The following COL6A3 variants were observed in gnomAD, a reference collection of about 807,000 sequenced individuals.
The protein encoded by COL6A3 is collagen type VI alpha 3 chain.
Under a neutral mutation model 274.1 loss-of-function variants are expected in COL6A3, and 137 were observed. The ratio of observed to expected loss-of-function variants is 0.50; its 90% CI spans 0.44 to 0.58. The LOEUF (loss-of-function observed/expected upper bound fraction) is 0.58, where lower values mean the gene tolerates loss of function less well. COL6A3 is among the 20% of genes least tolerant of loss of function. The probability of loss-of-function intolerance (pLI) is 0.00; values close to 1 mark genes in which losing one functional copy is unlikely to be tolerated. For missense variants in COL6A3, 3,950 were observed against 4,124.9 expected, an observed-to-expected ratio of 0.96 and a Z score of 1.16; for synonymous variants, 1,650 against 1,650.6, an observed-to-expected ratio of 1.00 and a Z score of 0.01.
chr2:237,353,270 T>C, intron 25 of COL6A3, 71 bp downstream of exon 25: 1 of 1,464,494 alleles, frequency 6.8e-7, no homozygotes, highest in Non-Finnish European at 9.5e-7. Context: ...CGGATATAAA[T>C]GCCACCCAAT....
At chr2:237,333,623 T>G (rs939547308) in intron 41 of COL6A3, 75 bp from the exon 42 acceptor site, 1 of 1,271,526 alleles carries the variant, frequency 7.9e-7, no homozygotes, top group Non-Finnish European at 1.1e-6. Context: ...GTGACTGATA[T>G]AAGGTTGCCT....
chr2:237,332,630 C>T (rs1041698767), intron 42 of COL6A3, among the ~76,000 whole-genome samples: 5 of 152,186 alleles, frequency 3.3e-5, no homozygotes, highest in African/African-American at 7.2e-5. Context: ...GAATTGTCCC[C>T]TAGTTAGCAG....
At position 237,380,621 on chromosome 2, in the gene COL6A3, C is replaced by T. The variant is rs576738894; in HGVS notation, c.1897+294G>A. Among the ~76,000 whole-genome samples, 5 of 152,264 alleles carry T rather than the reference C, an allele frequency of 3.3e-5. No homozygotes were observed. The South Asian group carries it at 6.2e-4, about 19-fold the overall frequency. On this transcript the variant is annotated intron_variant, in intron 5 of 43. Transcript: ENST00000295550. ...CAGAAGAACACAGGGATCTGACAAG[C>T]GATAAGAACTGAGATGTGACCTCCT...
chr2:237,378,590 G>C, intron 6 of COL6A3, 46 bp downstream of exon 6: 1 of 1,611,964 alleles, frequency 6.2e-7, no homozygotes, highest in Non-Finnish European at 8.5e-7. Flanking sequence ...CTCCAGGGTG[G>C]TGTCTGAGGA....
At chr2:237,355,658 C>T (rs534845345) in intron 23 of COL6A3, 1 of 152,318 alleles carries the variant, frequency 6.6e-6, no homozygotes, top group South Asian at 2.1e-4. Context: ...GTTGCAGAGG[C>T]TGTGACCGAC....
At chr2:237,403,259 G>A (rs2078637648) in intron 1 of COL6A3, among the ~76,000 whole-genome samples, 1 of 152,174 alleles carries the variant, frequency 6.6e-6, no homozygotes, top group Admixed American at 6.5e-5. Context: ...GGAACACAGT[G>A]TGGGCCCTAG....
In COL6A3 at chr2:237,379,174, G is replaced by T; in HGVS notation, c.1959C>A (p.Thr653=). ...CAAAGTCGCGCACATAAGGGAAATT[G>T]GTTTTTCCAACGTTGGCTGATCCAT... The part of the protein sequence containing the change: ...LLDGSANVGK[T]NFPYVRDFVM... Residue 653 remains threonine (T), a synonymous_variant, in exon 6 of 44, where the codon ACC becomes ACA. Transcript: ENST00000295550. 1.2e-6 allele frequency: 2 copies of T among 1,614,198 alleles called. No homozygotes were observed. Among genetic ancestry groups the T allele is most frequent in the Non-Finnish European group, 1.7e-6 (2 of 1,180,028 alleles).
At position 237,371,773 on chromosome 2, in the gene COL6A3, T is replaced by C. The variant is rs374265497; in HGVS notation, c.4244A>G (p.Gln1415Arg). ...LTPITTLTSE[Q>R]IQKLLASTRY... is the part of the protein sequence containing the mutation. ...AGTGCTGGCTAAGAGCTTCTGGATC[T>C]GCTCTGAGGTCAGGGTCGTGATGGG... is the stretch of plus-strand genomic sequence containing the variant. Residue 1415 changes from glutamine to arginine, a missense_variant, in exon 9 of 44, where the codon CAG (glutamine) becomes CGG (arginine). Physicochemically the swap from Gln to Arg is conservative, Grantham distance 43. Coordinates refer to ENST00000295550, the MANE Select transcript of COL6A3 (RefSeq NM_004369.4). The surrounding 1 kb of genome is among the most constrained non-coding windows in gnomAD (Gnocchi z 4.3). 1 of 1,611,660 alleles carries C rather than the reference T, an allele frequency of 6.2e-7. No homozygotes were observed. Among genetic ancestry groups the C allele is most frequent in the African/African-American group, 1.3e-5 (1 of 74,856 alleles).
chr2:237,344,442 G>C lies in COL6A3; in HGVS notation c.7576C>G (p.Leu2526Val), dbSNP rs2077056403. The C allele has an allele frequency of 6.2e-7, 1 of 1,614,122 alleles. No individual in the cohort carries two copies. Among genetic ancestry groups the C allele is most frequent in the African/African-American group, 1.3e-5 (1 of 74,946 alleles). ...GAGAGCTTGAGCACAGCCTCTCTGA[G>C]CTGTGGGGATGCTCTTGTGGGTGTG... ...SNTPTRASPQLREAVLKLSDA... is the reference protein window; with the variant it reads ...SNTPTRASPQVREAVLKLSDA... Residue 2526 changes from leucine (L) to valine (V), a missense_variant, in exon 36 of 44, where the codon CTC becomes GTC. Coordinates refer to ENST00000295550, the MANE Select transcript of COL6A3 (RefSeq NM_004369.4). This position sits in a 1 kb window ranked among gnomAD's most constrained non-coding sequence, Gnocchi z 4.8.
chr2:237,390,212 T>C (rs1004274258), intron 3 of COL6A3, among the ~76,000 whole-genome samples: 1 of 152,230 alleles, frequency 6.6e-6, no homozygotes, highest in Non-Finnish European at 1.5e-5. Context: ...TTCTTCTCCA[T>C]TTGTAACTTA....
chr2:237,366,918 C>T lies in COL6A3; in HGVS notation c.5269G>A (p.Glu1757Lys), dbSNP rs1361060719. Reference sequence around the variant, plus strand: ...GCCAGGCTCACATCCTGTGCATCTTCCACCGACTTTCCTCCCGTGATCACA... The same window carrying T: ...GCCAGGCTCACATCCTGTGCATCTTTCACCGACTTTCCTCCCGTGATCACA... Reference protein sequence around the residue: ...AFVITGGKSVEDAQDVSLALT... With the variant: ...AFVITGGKSVKDAQDVSLALT... Residue 1757 changes from glutamate to lysine, a missense_variant, in exon 11 of 44, where the codon GAA (glutamate) becomes AAA (lysine). This residue lies in a region of COL6A3 where 632 missense variants were observed against 623.4 expected (regional missense o/e 1.01). Transcript: ENST00000295550. 1.2e-6 allele frequency: 2 copies of T among 1,614,118 alleles called. No homozygotes were observed. The highest frequency in any genetic ancestry group is 2.7e-5 in the African/African-American group (2 of 74,934).
At chr2:237,357,761 G>T in intron 22 of COL6A3, 56 bp downstream of exon 22, 1 of 1,563,078 alleles carries the variant, frequency 6.4e-7, no homozygotes, top group Non-Finnish European at 8.8e-7. Context: ...GCCGAGAAGT[G>T]TGTCCTTTCT....
chr2:237,361,998 C>T lies in COL6A3; in HGVS notation c.6064-167G>A, dbSNP rs1468229746. On this transcript the variant is annotated intron_variant, in intron 14 of 43. Transcript: ENST00000295550. The surrounding 1 kb of genome is among the most constrained non-coding windows in gnomAD (Gnocchi z 5.1). ...CGACTGACGATATGATAGAAATTGC[C>T]AGCGAAGTCAGGAGGGCCCAGCTCC... Among the ~76,000 whole-genome samples, 3 of 152,280 alleles carry T rather than the reference C, an allele frequency of 2.0e-5. No individual in the cohort carries two copies. The highest frequency in any genetic ancestry group is 6.8e-3 in the Middle Eastern group (2 of 292).
chr2:237,406,102 T>A (rs967700980), intron 1 of COL6A3, among the ~76,000 whole-genome samples: 2 of 152,160 alleles, frequency 1.3e-5, no homozygotes, highest in African/African-American at 4.8e-5. Flanking sequence ...TTAGTTTCTA[T>A]CCCTTTGAAA....
chr2:237,374,618 C>A lies in COL6A3; in HGVS notation c.3473G>T (p.Gly1158Val). 1 of 1,614,196 alleles carries A rather than the reference C, an allele frequency of 6.2e-7. No homozygotes were observed. Among genetic ancestry groups the A allele is most frequent in the South Asian group, 1.1e-5 (1 of 91,088 alleles). The change falls in exon 8 of 44, where the codon GGT becomes GTT. Residue 1158 changes from glycine to valine, a missense_variant. Physicochemically the swap from Gly to Val is moderately radical, Grantham distance 109. Coordinates refer to ENST00000295550, the MANE Select transcript of COL6A3 (RefSeq NM_004369.4). The surrounding 1 kb of genome is among the most constrained non-coding windows in gnomAD (Gnocchi z 4.8). ...VRNPSVVVKR[G>V]GAVPIGIGIG... ...GCCAATGCCAATGGGCACAGCCCCA[C>A]CCCTCTTCACGACCACGGAGGGGTT... is the stretch of plus-strand genomic sequence containing the variant.
At chr2:237,412,818 G>A (rs1243420467) in intron 1 of COL6A3, among the ~76,000 whole-genome samples, 5 of 152,158 alleles carry the variant, frequency 3.3e-5, no homozygotes, top group African/African-American at 1.2e-4. Flanking sequence ...GCCGGGGTGA[G>A]CTGTATGTGG....
At position 237,406,343 on chromosome 2, in the gene COL6A3, A is replaced by G. The variant is rs551754664; in HGVS notation, c.-31+7610T>C. On this transcript the variant is annotated intron_variant, in intron 1 of 43. Coordinates refer to ENST00000295550, the MANE Select transcript of COL6A3 (RefSeq NM_004369.4). ...GAAATAGTTTGAAAACAAAGACTCA[A>G]ATAAATCCAGAGCTTCCATTTTGAA... 8.9e-4 allele frequency among the ~76,000 whole-genome samples: 136 copies of G among 152,298 alleles called. 1 individual carries two copies. Among genetic ancestry groups the G allele is most frequent in the Non-Finnish European group, 1.7e-3 (113 of 68,018 alleles).
At position 237,339,120 on chromosome 2, in the gene COL6A3, A is replaced by G; in HGVS notation, c.8465-3T>C. The G allele has an allele frequency of 6.2e-7, 1 of 1,606,590 alleles. No homozygotes were observed. ...GGACAAGTAAAAAGCATTTTCACCT[A>G]AAGAAAAAAAACAAAGAAAACAATT... On this transcript the variant is annotated splice_polypyrimidine_tract_variant and splice_region_variant and intron_variant, in intron 38 of 43. Coordinates refer to ENST00000295550, the MANE Select transcript of COL6A3 (RefSeq NM_004369.4).
chr2:237,413,671 C>T lies in COL6A3; in HGVS notation c.-31+282G>A, dbSNP rs891454904. On this transcript the variant is annotated intron_variant, in intron 1 of 43. Coordinates refer to ENST00000295550, the MANE Select transcript of COL6A3 (RefSeq NM_004369.4). This position sits in a 1 kb window ranked among gnomAD's most constrained non-coding sequence, Gnocchi z 4.0. ...TAAATCATGGGCCGAAACACACTGC[C>T]GCCCGGAATGCACAGGGCGCGTGTA... is the stretch of plus-strand genomic sequence containing the variant. 2.0e-5 allele frequency among the ~76,000 whole-genome samples: 3 copies of T among 152,196 alleles called. No homozygotes were observed. The highest frequency in any genetic ancestry group is 2.0e-4 in the Admixed American group (3 of 15,276).
Sources: allele counts gnomAD v4.1 joint callset (sites outside exome capture counted in the v4.1 genomes callset), GRCh38; gene constraint gnomAD v4.1.1; regional missense constraint gnomAD v4.1.1; non-coding constraint Gnocchi (gnomAD v3.1); transcripts MANE v1.5; gene names NCBI Gene and HGNC (gene_info 2026-07-23, HGNC 2026-07-21).